The following CKAP5 variants were observed in gnomAD, a reference collection of about 807,000 sequenced individuals.
CKAP5 encodes cytoskeleton associated protein 5.
In CKAP5, 27 loss-of-function variants were observed where a neutral mutation model predicts 232.8. The observed-to-expected ratio is 0.12, with a 90% CI of 0.09 to 0.16. CKAP5 has a LOEUF of 0.16. Ranked by LOEUF, CKAP5 falls within the 10% of genes least tolerant of loss-of-function variation. The probability of loss-of-function intolerance (pLI) is 1.00; values close to 1 mark genes in which losing one functional copy is unlikely to be tolerated. For missense variants in CKAP5, 1,838 were observed against 2,424.7 expected, an observed-to-expected ratio of 0.76 and a Z score of 5.08; for synonymous variants, 785 against 841.1, an observed-to-expected ratio of 0.93 and a Z score of 1.16.
In CKAP5 at chr11:46,753,483, C is replaced by T. The variant is rs745620401; in HGVS notation, c.4884G>A (p.Glu1628=). 3 of 1,611,180 alleles carry T rather than the reference C, an allele frequency of 1.9e-6. No homozygotes were observed. In the Admixed American group the frequency reaches 5.1e-5, roughly 27 times the overall value. Residue 1628 remains glutamate, a synonymous_variant, in exon 37 of 44, where the codon GAG becomes GAA. Coordinates refer to ENST00000529230, the MANE Select transcript of CKAP5 (RefSeq NM_001008938.4). ...CAGTGGAGGCCTCCCGGGCAAGGCT[C>T]TCTATCTGAAACAGCTATCCAGACA... ...IGNMISLFQI[E]SLAREASTGV...
At chr11:46,791,433 C>T (rs916395115) in intron 13 of CKAP5, among the ~76,000 whole-genome samples, 1 of 151,978 alleles carries the variant, frequency 6.6e-6, no homozygotes, top group Non-Finnish European at 1.5e-5. Flanking sequence ...AATCCCAGCA[C>T]TCTGGGAGGC....
At chr11:46,814,064 G>T (rs528084206) in intron 4 of CKAP5, among the ~76,000 whole-genome samples, 1 of 150,824 alleles carries the variant, frequency 6.6e-6, no homozygotes, top group Non-Finnish European at 1.5e-5. Context: ...ACCCAGGGGC[G>T]GAGGTTGCAG....
intron 6 of CKAP5, 103 bp from the exon 7 acceptor site, chr11:46,809,603 G>A: frequency 7.6e-7 from 1 of 1,314,528 alleles, no homozygotes; most frequent in Non-Finnish European, 1.1e-6. Context: ...ATAGAGAAGG[G>A]ACCAGAGTTA....
chr11:46,795,930 G>A (rs960197364), intron 12 of CKAP5, among the ~76,000 whole-genome samples, 154 bp from the exon 13 acceptor site: 3 of 152,106 alleles, frequency 2.0e-5, no homozygotes, highest in Non-Finnish European at 2.9e-5. Context: ...TTGGAAGGCC[G>A]AGATGGGTGG....
chr11:46,841,997 CAA>C (rs3031699), intron 1 of CKAP5, among the ~76,000 whole-genome samples: 45,423 of 109,744 alleles, frequency 0.41, 8,646 homozygotes, highest in Middle Eastern at 0.5. Flanking sequence ...GACTTTGGTT[CAA>C]AAAAAAAAAA....
intron 22 of CKAP5, 61 bp from the exon 23 acceptor site, chr11:46,777,613 G>A (rs879243661): frequency 8.4e-5 from 98 of 1,166,658 alleles, no homozygotes; most frequent in South Asian, 3.3e-4. Context: ...GCAAACTTCC[G>A]TAAATTTGCT....
chr11:46,822,270 G>C (rs1464363951), intron 1 of CKAP5, among the ~76,000 whole-genome samples: 1 of 152,036 alleles, frequency 6.6e-6, no homozygotes, highest in Non-Finnish European at 1.5e-5. Context: ...AACAGAGCAA[G>C]ACCCTGTCTC....
In CKAP5 at chr11:46,778,610, A is replaced by G; in HGVS notation, c.2434-11T>C. ...ACTTTGTCCCTGCATCTATACACAA[A>G]TGAATGAGTAAGGCTAATGAAATTT... On this transcript the variant is annotated splice_polypyrimidine_tract_variant and intron_variant, in intron 20 of 43. Coordinates refer to ENST00000529230, the MANE Select transcript of CKAP5 (RefSeq NM_001008938.4). The G allele has an allele frequency of 6.2e-7, 1 of 1,612,216 alleles. No homozygotes were observed. The highest frequency in any genetic ancestry group is 8.5e-7 in the Non-Finnish European group (1 of 1,178,752).
chr11:46,803,153 A>C (rs953471425), intron 8 of CKAP5, among the ~76,000 whole-genome samples: 2 of 151,888 alleles, frequency 1.3e-5, no homozygotes, highest in African/African-American at 4.8e-5. Flanking sequence ...AGTCCCAGGT[A>C]CTCAGGAGGC....
intron 1 of CKAP5, among the ~76,000 whole-genome samples, chr11:46,823,830 A>G (rs1336192189): frequency 6.6e-6 from 1 of 152,206 alleles, no homozygotes; most frequent in Non-Finnish European, 1.5e-5. Context: ...TATGTTGCCC[A>G]GGCTGGCCGA....
intron 16 of CKAP5, among the ~76,000 whole-genome samples, chr11:46,786,920 A>C: frequency 6.6e-6 from 1 of 152,192 alleles, no homozygotes; most frequent in East Asian, 1.9e-4. Flanking sequence ...GCTGGTCATT[A>C]AGTTAACCAA....
chr11:46,805,518 C>CT (rs1422703822), intron 8 of CKAP5, among the ~76,000 whole-genome samples: 1 of 152,128 alleles, frequency 6.6e-6, no homozygotes, highest in East Asian at 1.9e-4. Context: ...ATCTCATCCT[C>CT]TTTTTTCCAT....
intron 9 of CKAP5, among the ~76,000 whole-genome samples, chr11:46,800,178 A>G (rs1938994822): frequency 6.6e-6 from 1 of 152,192 alleles, no homozygotes; most frequent in African/African-American, 2.4e-5. Context: ...CTATAAAAAT[A>G]GATTTTAATT....
chr11:46,763,380 G>T, intron 29 of CKAP5, 101 bp downstream of exon 29: 1 of 1,088,766 alleles, frequency 9.2e-7, no homozygotes, highest in Non-Finnish European at 1.3e-6. Context: ...AGAGAACATA[G>T]TATATTCTAC....
chr11:46,782,740 T>C (rs937768272), intron 18 of CKAP5, among the ~76,000 whole-genome samples: 2 of 152,220 alleles, frequency 1.3e-5, no homozygotes, highest in African/African-American at 2.4e-5. Flanking sequence ...ATATAATACC[T>C]CGCTTAGTTG....
chr11:46,821,447 C>A (rs1345584713), intron 1 of CKAP5, among the ~76,000 whole-genome samples, 179 bp from the exon 2 acceptor site: 4 of 81,934 alleles, frequency 4.9e-5, no homozygotes, highest in Non-Finnish European at 8.8e-5. Context: ...TTTTTTGAGA[C>A]GGAGTCTCGC....
chr11:46,835,236 A>C (rs188781566), intron 1 of CKAP5, among the ~76,000 whole-genome samples: 1 of 152,054 alleles, frequency 6.6e-6, no homozygotes, highest in Non-Finnish European at 1.5e-5. Flanking sequence ...ATGAATAATC[A>C]TCCACCATTA....
chr11:46,783,231 C>T, intron 18 of CKAP5, 43 bp downstream of exon 18: 2 of 1,127,782 alleles, frequency 1.8e-6, no homozygotes, highest in Non-Finnish European at 2.7e-6. Flanking sequence ...TAGAGACTGA[C>T]AGAACATTTA....
intron 4 of CKAP5, among the ~76,000 whole-genome samples, chr11:46,812,820 T>C (rs1298230344): frequency 1.3e-5 from 2 of 152,074 alleles, no homozygotes; most frequent in Non-Finnish European, 2.9e-5. Flanking sequence ...TTTTTGTATT[T>C]TTTGTAGAGA....
Sources: gnomAD v4.1 joint callset for allele counts (sites outside exome capture counted in the v4.1 genomes callset) on GRCh38, gnomAD v4.1.1 for gene constraint, MANE v1.5 for transcripts, NCBI Gene and HGNC (gene_info 2026-07-23, HGNC 2026-07-21) for gene names.